NOTCH2: variants seen among roughly 807,000 people sequenced by gnomAD.
The protein encoded by NOTCH2 is neurogenic locus notch homolog protein 2.
NOTCH2 carries 29 observed loss-of-function variants against 235.8 expected under a neutral mutation model. That is an observed-to-expected ratio of 0.12 (90% CI 0.09 to 0.17). The LOEUF is 0.17. Among genes scored for constraint, NOTCH2 ranks in the 10% least tolerant of loss-of-function variants. The pLI is 1.00. For missense variants in NOTCH2, 2,285 were observed against 3,150.2 expected, an observed-to-expected ratio of 0.73 and a Z score of 6.57; for synonymous variants, 1,086 against 1,141.5, an observed-to-expected ratio of 0.95 and a Z score of 0.98.
intron 21 of NOTCH2, among the ~76,000 whole-genome samples, chr1:119,936,067 A>G (rs1243244606): frequency 6.6e-6 from 1 of 152,166 alleles, no homozygotes; most frequent in East Asian, 1.9e-4. Context: ...TGGTTGAGAT[A>G]GGCTTAGGGG....
At chr1:119,970,386 G>T (rs1351103641) in intron 5 of NOTCH2, among the ~76,000 whole-genome samples, 1 of 152,192 alleles carries the variant, frequency 6.6e-6, no homozygotes, top group Non-Finnish European at 1.5e-5. Flanking sequence ...AAAATCTCTG[G>T]TGAAGTATGG....
chr1:119,928,224 G>A (rs1383904487), intron 23 of NOTCH2, among the ~76,000 whole-genome samples: 1 of 152,202 alleles, frequency 6.6e-6, no homozygotes, highest in African/African-American at 2.4e-5. Context: ...TTCAGGCCCT[G>A]TGATGAAAGA....
chr1:120,051,259 A>ACACACG (rs376819094), intron 1 of NOTCH2, among the ~76,000 whole-genome samples: 1 of 103,128 alleles, frequency 9.7e-6, no homozygotes, highest in East Asian at 2.2e-4. Flanking sequence ...ACACACACAC[A>ACACACG]CACACACACA....
In NOTCH2 at chr1:119,919,534, G is replaced by C. The variant is rs2101150039; in HGVS notation, c.5559C>G (p.Asp1853Glu). The C allele has an allele frequency of 6.2e-7, 1 of 1,613,956 alleles. No individual in the cohort carries two copies. Among genetic ancestry groups the C allele is most frequent in the Non-Finnish European group, 8.5e-7 (1 of 1,179,892 alleles). ...DLSDEDEDAE[D>E]SSANIITDLV... ...AGTCTGTGATGATGTTAGCAGAAGA[G>C]TCCTCTGCATCTTCATCTTCATCAC... The change falls in exon 31 of 34, where the codon GAC (aspartate) becomes GAG (glutamate). Residue 1853 changes from aspartate to glutamate, a missense_variant. Physicochemically the swap from Asp to Glu is conservative, Grantham distance 45. Coordinates refer to ENST00000256646, the MANE Select transcript of NOTCH2 (RefSeq NM_024408.4).
chr1:119,913,936 T>C lies in NOTCH2; in HGVS notation c.*1370A>G, dbSNP rs948191878. 17 of 232,898 alleles carry C rather than the reference T, an allele frequency of 7.3e-5. No homozygotes were observed. Among genetic ancestry groups the C allele is most frequent in the Non-Finnish European group, 3.4e-5 (4 of 117,920 alleles). The allele number at this position is 232,898 out of a possible 1,614,324, so 14.4% of individuals were successfully genotyped here. On this transcript the variant is annotated 3_prime_UTR_variant, in exon 34 of 34. Coordinates refer to ENST00000256646, the MANE Select transcript of NOTCH2 (RefSeq NM_024408.4). ...TTTCCAATTCCTGCACTTGAACATATAAAGTCCATGTCTTCAGTGAGAACA... is the reference window on the plus strand; with the variant it reads ...TTTCCAATTCCTGCACTTGAACATACAAAGTCCATGTCTTCAGTGAGAACA...
intron 16 of NOTCH2, 36 bp from the exon 17 acceptor site, chr1:119,948,602 G>A: frequency 6.2e-7 from 1 of 1,613,504 alleles, no homozygotes; most frequent in South Asian, 1.1e-5. Flanking sequence ...CCTAGTCCTT[G>A]GAAGCTGATT....
At chr1:119,918,587 C>T (rs752438230) in intron 31 of NOTCH2, 34 bp from the exon 32 acceptor site, 17 of 1,611,512 alleles carry the variant, frequency 1.1e-5, no homozygotes, top group Non-Finnish European at 1.4e-5. Flanking sequence ...AAGAGAGTCA[C>T]CTGGATGAAG....
At chr1:119,945,204 T>A (rs1268210661) in intron 17 of NOTCH2, among the ~76,000 whole-genome samples, 2 of 152,084 alleles carry the variant, frequency 1.3e-5, no homozygotes, top group South Asian at 4.1e-4. Context: ...CTAAAAAATA[T>A]GTAACCAATA....
intron 5 of NOTCH2, among the ~76,000 whole-genome samples, chr1:119,979,344 C>T (rs1553201361): frequency 1.3e-5 from 2 of 152,070 alleles, no homozygotes; most frequent in Admixed American, 1.3e-4. Context: ...GGCAGGGAGC[C>T]CAGTGTTACT....
intron 18 of NOTCH2, 150 bp from the exon 19 acceptor site, chr1:119,940,906 G>A: frequency 5.4e-6 from 4 of 736,940 alleles, no homozygotes; most frequent in Non-Finnish European, 2.4e-6. Flanking sequence ...TAGATTGGGT[G>A]CCAGAAGCTC....
At chr1:119,925,280 G>A in intron 25 of NOTCH2, 25 bp downstream of exon 25, 1 of 1,612,850 alleles carries the variant, frequency 6.2e-7, no homozygotes, top group African/African-American at 1.3e-5. Context: ...GTCCCCTTCA[G>A]TTCTGGAAAA....
At chr1:119,953,496 A>C in intron 14 of NOTCH2, 47 bp downstream of exon 14, 1 of 1,605,730 alleles carries the variant, frequency 6.2e-7, no homozygotes, top group African/African-American at 1.3e-5. Context: ...GTATGCAACA[A>C]CAAGAAGACA....
intron 6 of NOTCH2, among the ~76,000 whole-genome samples, chr1:119,968,799 T>C (rs1371322504): frequency 1.3e-5 from 2 of 152,340 alleles, no homozygotes; most frequent in South Asian, 2.1e-4. Flanking sequence ...CTGTTTTATA[T>C]AGTTCACATG....
At chr1:119,945,967 A>G (rs1553196987) in intron 17 of NOTCH2, among the ~76,000 whole-genome samples, 1 of 152,108 alleles carries the variant, frequency 6.6e-6, no homozygotes, top group African/African-American at 2.4e-5. Flanking sequence ...CAAAGAAAGA[A>G]GAGACAAATT....
At position 119,926,528 on chromosome 1, in the gene NOTCH2, G is replaced by T; in HGVS notation, c.3976C>A (p.Pro1326Thr). The T allele has an allele frequency of 6.2e-7, 1 of 1,605,930 alleles. No individual in the cohort carries two copies. The part of the protein sequence containing the change: ...GGTCAVASNM[P>T]DGFICRCPPG... ...GGACAACGGCAAATGAAACCATCAGGCATGTTACTGGCCACAGCACAAGTC... is the reference window on the plus strand; with the variant it reads ...GGACAACGGCAAATGAAACCATCAGTCATGTTACTGGCCACAGCACAAGTC... The change falls in exon 24 of 34, where the codon CCT becomes ACT. Residue 1326 changes from proline (P) to threonine (T), a missense_variant. Coordinates refer to ENST00000256646, the MANE Select transcript of NOTCH2 (RefSeq NM_024408.4).
At chr1:120,027,667 C>T (rs1653919143) in intron 2 of NOTCH2, among the ~76,000 whole-genome samples, 1 of 151,748 alleles carries the variant, frequency 6.6e-6, no homozygotes, top group Admixed American at 6.6e-5. Flanking sequence ...TGATGTTCCC[C>T]TCCCTTTGTC....
intron 2 of NOTCH2, among the ~76,000 whole-genome samples, chr1:120,011,880 G>T (rs1211584333): frequency 1.3e-5 from 2 of 150,738 alleles, no homozygotes; most frequent in African/African-American, 4.9e-5. Flanking sequence ...GCCAGGCGTG[G>T]TGGCGGGCGC....
At chr1:119,921,591 G>T in intron 29 of NOTCH2, 122 bp downstream of exon 29, 1 of 829,622 alleles carries the variant, frequency 1.2e-6, no homozygotes, top group Non-Finnish European at 2.1e-6. Context: ...GTTATTGTCT[G>T]GGTAAGACAT....
At chr1:119,934,106 G>A (rs903493796) in intron 22 of NOTCH2, among the ~76,000 whole-genome samples, 11 of 152,306 alleles carry the variant, frequency 7.2e-5, no homozygotes, top group Non-Finnish European at 1.3e-4. Context: ...GGTTTAATTA[G>A]CTGCTATAGC....
Sources: gnomAD v4.1 joint callset for allele counts (sites outside exome capture counted in the v4.1 genomes callset) on GRCh38, gnomAD v4.1.1 for gene constraint, MANE v1.5 for transcripts, NCBI Gene and HGNC (gene_info 2026-07-23, HGNC 2026-07-21) for gene names.